WDPCP: variants seen among roughly 807,000 people sequenced by gnomAD.
WDPCP encodes the protein WD repeat containing planar cell polarity effector.
In WDPCP, 71 loss-of-function variants were observed where a neutral mutation model predicts 93.1. That is an observed-to-expected ratio of 0.76 (90% CI 0.63 to 0.93). The LOEUF (loss-of-function observed/expected upper bound fraction) is 0.93, where lower values mean the gene tolerates loss of function less well. Among genes scored for constraint, WDPCP ranks in the 40% least tolerant of loss-of-function variants. The probability of loss-of-function intolerance (pLI) is 0.00; values close to 1 mark genes in which losing one functional copy is unlikely to be tolerated. For synonymous variants in WDPCP, 315 were observed against 315.0 expected, an observed-to-expected ratio of 1.00 and a Z score of 0.00; for missense variants, 844 against 887.4, an observed-to-expected ratio of 0.95 and a Z score of 0.62.
At chr2:63,523,678 G>A (rs959224111) in intron 1 of WDPCP, among the ~76,000 whole-genome samples, 4 of 152,198 alleles carry the variant, frequency 2.6e-5, no homozygotes, top group South Asian at 2.1e-4. Flanking sequence ...TTGAGAGGCC[G>A]CGGTGGGCGG....
At chr2:63,442,383 C>A (rs571137125) in intron 6 of WDPCP, 1 of 152,210 alleles carries the variant, frequency 6.6e-6, no homozygotes, top group South Asian at 2.1e-4. Context: ...TATTATTCAA[C>A]CATTAATTGT....
At chr2:63,211,462 G>A (rs946908847) in intron 14 of WDPCP, among the ~76,000 whole-genome samples, 1 of 152,148 alleles carries the variant, frequency 6.6e-6, no homozygotes, top group African/African-American at 2.4e-5. Flanking sequence ...CCATTTGTAC[G>A]TCAACATCAT....
chr2:63,530,017 T>A (rs1269640147), intron 1 of WDPCP, among the ~76,000 whole-genome samples: 3 of 152,242 alleles, frequency 2.0e-5, no homozygotes, highest in Non-Finnish European at 2.9e-5. Flanking sequence ...CTGATGGTAG[T>A]TTGTATTTCT....
rs541033999 is a variant in WDPCP at position 63,777,427 on chromosome 2, G to A, written n.308+36195C>T. On this transcript the variant is annotated intron_variant and non_coding_transcript_variant, in intron 2 of 4. Transcript: ENST00000467687. Reference sequence around the variant, plus strand: ...AGTTTCTTAAAAAGTTAAACATACCGCTACCATATTGAAAGCATACATCCA... The same window carrying A: ...AGTTTCTTAAAAAGTTAAACATACCACTACCATATTGAAAGCATACATCCA... 3.9e-5 allele frequency among the ~76,000 whole-genome samples: 6 copies of A among 152,136 alleles called. No individual in the cohort carries two copies. The South Asian group carries it at 8.3e-4, about 21-fold the overall frequency.
chr2:63,373,196 G>A (rs531361229), intron 12 of WDPCP, among the ~76,000 whole-genome samples: 4 of 150,868 alleles, frequency 2.7e-5, no homozygotes, highest in Non-Finnish European at 5.9e-5. Context: ...TATTTATCTG[G>A]TATAAACTTT....
intron 2 of WDPCP, among the ~76,000 whole-genome samples, chr2:63,672,667 T>C (rs1017560785): frequency 1.3e-5 from 2 of 151,668 alleles, no homozygotes; most frequent in African/African-American, 4.8e-5. Context: ...TCTCACTCTG[T>C]TGTCCAGGCT....
intron 3 of WDPCP, among the ~76,000 whole-genome samples, chr2:63,621,222 C>A (rs988577268): frequency 6.6e-6 from 1 of 151,990 alleles, no homozygotes; most frequent in Non-Finnish European, 1.5e-5. Context: ...TAATAACAAA[C>A]TCCTCTGAGC....
At chr2:63,666,725 C>T (rs567966509) in intron 2 of WDPCP, among the ~76,000 whole-genome samples, 22 of 152,252 alleles carry the variant, frequency 1.4e-4, no homozygotes, top group African/African-American at 5.3e-4. Flanking sequence ...CTTTCTACCC[C>T]ACCATTTTCA....
At chr2:63,387,397 T>C (rs748879689) in intron 10 of WDPCP, among the ~76,000 whole-genome samples, 16 of 151,642 alleles carry the variant, frequency 1.1e-4, no homozygotes, top group Non-Finnish European at 1.9e-4. Flanking sequence ...ATCGTCTCAA[T>C]AGACACAGAA....
chr2:63,188,617 A>G (rs1674813385), intron 14 of WDPCP, among the ~76,000 whole-genome samples: 1 of 151,878 alleles, frequency 6.6e-6, no homozygotes. Context: ...CAGAGGCTTG[A>G]GCCATCATGC....
chr2:63,200,817 A>T (rs1304325260), intron 14 of WDPCP, among the ~76,000 whole-genome samples: 1 of 152,146 alleles, frequency 6.6e-6, no homozygotes, highest in East Asian at 1.9e-4. Flanking sequence ...GTATAATTGG[A>T]TTGTATGTAA....
chr2:63,198,559 A>G (rs1675640480), intron 14 of WDPCP, among the ~76,000 whole-genome samples: 2 of 152,088 alleles, frequency 1.3e-5, no homozygotes, highest in Non-Finnish European at 2.9e-5. Flanking sequence ...ATGGAGGCAG[A>G]TTTTGCCCTT....
chr2:63,208,739 T>C (rs1455378421), intron 14 of WDPCP, among the ~76,000 whole-genome samples: 1 of 152,178 alleles, frequency 6.6e-6, no homozygotes, highest in African/African-American at 2.4e-5. Flanking sequence ...GAAGTCCCCC[T>C]ACCTTCCGTG....
At chr2:63,459,636 C>T (rs1359179136) in intron 6 of WDPCP, among the ~76,000 whole-genome samples, 1 of 152,110 alleles carries the variant, frequency 6.6e-6, no homozygotes, top group African/African-American at 2.4e-5. Context: ...CAAAAGGAGG[C>T]CTGGCATGGT....
intron 1 of WDPCP, among the ~76,000 whole-genome samples, chr2:63,516,099 T>C (rs1188649183): frequency 6.6e-6 from 1 of 152,132 alleles, no homozygotes; most frequent in Non-Finnish European, 1.5e-5. Context: ...GATGTAGCTA[T>C]ATTTTTAACA....
chr2:63,795,675 A>T (rs1670604900), intron 2 of WDPCP, among the ~76,000 whole-genome samples: 1 of 152,072 alleles, frequency 6.6e-6, no homozygotes, highest in Admixed American at 6.6e-5. Flanking sequence ...TTCACTAAAA[A>T]CCCATAGTAA....
chr2:63,130,775 C>T (rs977008545), intron 17 of WDPCP, among the ~76,000 whole-genome samples: 7 of 152,014 alleles, frequency 4.6e-5, no homozygotes, highest in African/African-American at 7.2e-5. Context: ...GTTGTCCTAT[C>T]GATTATTGAA....
At chr2:63,295,191 A>G (rs1404727407) in intron 13 of WDPCP, among the ~76,000 whole-genome samples, 1 of 152,176 alleles carries the variant, frequency 6.6e-6, no homozygotes, top group East Asian at 1.9e-4. Flanking sequence ...ATATTTCACT[A>G]CAAAAACAAT....
intron 6 of WDPCP, among the ~76,000 whole-genome samples, chr2:63,466,524 A>T (rs1699355113): frequency 6.6e-6 from 1 of 152,236 alleles, no homozygotes; most frequent in Non-Finnish European, 1.5e-5. Flanking sequence ...TTTAATACAA[A>T]GTTATAAATT....
Sources: allele counts gnomAD v4.1 joint callset (sites outside exome capture counted in the v4.1 genomes callset), GRCh38; gene constraint gnomAD v4.1.1; transcripts MANE v1.5; gene names NCBI Gene and HGNC (gene_info 2026-07-23, HGNC 2026-07-21).